The following PISD variants were observed in gnomAD, a reference collection of about 807,000 sequenced individuals.
PISD encodes phosphatidylserine decarboxylase.
In PISD, 31 loss-of-function variants were observed where a neutral mutation model predicts 43.5. That is an observed-to-expected ratio of 0.71 (90% CI 0.54 to 0.96). The LOEUF (loss-of-function observed/expected upper bound fraction) is 0.96. Ranked by LOEUF, PISD falls within the 40% of genes least tolerant of loss-of-function variation. The probability of loss-of-function intolerance (pLI) is 0.00; values close to 1 mark genes in which losing one functional copy is unlikely to be tolerated. For missense variants in PISD, 523 were observed against 548.4 expected, an observed-to-expected ratio of 0.95 and a Z score of 0.46; for synonymous variants, 259 against 228.7, an observed-to-expected ratio of 1.13 and a Z score of -1.20.
At chr22:31,625,465 G>T (rs533245962) in intron 3 of PISD, 1 of 539,774 alleles carries the variant, frequency 1.9e-6, no homozygotes, top group South Asian at 2.2e-5. Context: ...CAAGGGTCTG[G>T]GCTGCGAGCA....
chr22:31,640,889 T>TTTTTTG (rs1230235644), intron 3 of PISD, among the ~76,000 whole-genome samples: 1 of 84,448 alleles, frequency 1.2e-5, no homozygotes, highest in African/African-American at 4.9e-5. Flanking sequence ...TGTTTTTTTT[T>TTTTTTG]TTTTTTTTTT....
chr22:31,625,636 G>A, intron 3 of PISD: 3 of 1,244,920 alleles, frequency 2.4e-6, no homozygotes, highest in South Asian at 2.7e-5. Flanking sequence ...GGCTCCTCCA[G>A]CCTCGGGGGC....
upstream of PISD, chr22:31,662,279 T>G (rs1278358714): frequency 6.8e-7 from 1 of 1,460,408 alleles, no homozygotes; most frequent in Non-Finnish European, 9.5e-7. Flanking sequence ...GTCACGAGTC[T>G]CGAGTTCAGT....
At chr22:31,638,474 G>C (rs1229613658) in intron 3 of PISD, 1 of 985,376 alleles carries the variant, frequency 1.0e-6, no homozygotes, top group African/African-American at 1.7e-5. Flanking sequence ...GGGGAGAACA[G>C]GGAAGAGGGA....
intron 3 of PISD, among the ~76,000 whole-genome samples, chr22:31,644,723 T>C (rs1261292366): frequency 6.6e-6 from 1 of 152,222 alleles, no homozygotes; most frequent in Non-Finnish European, 1.5e-5. Flanking sequence ...ACGTATATAG[T>C]TGAGTATCCC....
In PISD at chr22:31,650,750, T is replaced by C. The variant is rs1243007392; in HGVS notation, c.94A>G (p.Ser32Gly). ...TTCCGTAAGGGCTGTAGGGATTGGC[T>C]CAGGGCAGTGATCTCACAGGGATGG... Reference protein sequence around the residue: ...SLHPCEITALSQSLQPLRKLP... With the variant: ...SLHPCEITALGQSLQPLRKLP... Residue 32 changes from serine to glycine, a missense_variant, in exon 2 of 8, where the codon AGC becomes GGC. Ser to Gly is a moderately conservative substitution (Grantham distance 56). Transcript: ENST00000439502. The C allele has an allele frequency of 6.4e-7, 1 of 1,555,494 alleles. No homozygotes were observed. The highest frequency in any genetic ancestry group is 8.7e-7 in the Non-Finnish European group (1 of 1,149,412).
intron 3 of PISD, among the ~76,000 whole-genome samples, chr22:31,636,733 G>A (rs1432752171): frequency 1.3e-5 from 2 of 151,822 alleles, no homozygotes; most frequent in African/African-American, 2.4e-5. Flanking sequence ...TAGTAGAGAC[G>A]GGGTTTCAAC....
chr22:31,637,164 A>AAAAATAT (rs1569487518), intron 3 of PISD, among the ~76,000 whole-genome samples: 2 of 13,652 alleles, frequency 1.5e-4, no homozygotes, highest in Non-Finnish European at 2.5e-4. Context: ...AAAAAAAAAA[A>AAAAATAT]ATATATATAT....
chr22:31,625,264 G>A (rs1035317876), intron 3 of PISD, among the ~76,000 whole-genome samples: 1 of 152,126 alleles, frequency 6.6e-6, no homozygotes, highest in Non-Finnish European at 1.5e-5. Context: ...CTCTCCCATC[G>A]CACCCCGGTG....
At chr22:31,648,508 A>G (rs779660751) in intron 2 of PISD, among the ~76,000 whole-genome samples, 1 of 152,128 alleles carries the variant, frequency 6.6e-6, no homozygotes, top group Non-Finnish European at 1.5e-5. Flanking sequence ...TACTAAAAAT[A>G]CAAAAAGAAA....
intron 7 of PISD, 42 bp downstream of exon 7, chr22:31,620,511 G>C: frequency 6.2e-7 from 1 of 1,603,810 alleles, no homozygotes; most frequent in East Asian, 2.2e-5. Flanking sequence ...AGACCCAAGA[G>C]GTCTGGCCCT....
intron 3 of PISD, among the ~76,000 whole-genome samples, chr22:31,638,921 G>A (rs925441806): frequency 6.6e-6 from 1 of 151,466 alleles, no homozygotes; most frequent in African/African-American, 2.4e-5. Context: ...GAGCCTGGGA[G>A]GTCGAGGCCG....
intron 1 of PISD, among the ~76,000 whole-genome samples, chr22:31,652,496 T>C (rs2074054995): frequency 6.6e-6 from 1 of 151,838 alleles, no homozygotes; most frequent in Non-Finnish European, 1.5e-5. Context: ...TTTTTTCACA[T>C]AAAATTTCCT....
At chr22:31,657,360 C>T (rs185624182) in intron 1 of PISD, among the ~76,000 whole-genome samples, 2 of 152,188 alleles carry the variant, frequency 1.3e-5, no homozygotes, top group Admixed American at 1.3e-4. Flanking sequence ...TGATCTTGAA[C>T]TCCTGACCTC....
chr22:31,629,224 T>A (rs2073069892), intron 3 of PISD: 1 of 984,958 alleles, frequency 1.0e-6, no homozygotes, highest in South Asian at 4.7e-5. Context: ...CCTGCAAGAT[T>A]GTTGTGCGTG....
intron 3 of PISD, among the ~76,000 whole-genome samples, chr22:31,635,302 G>A (rs1378881314): frequency 6.6e-6 from 1 of 152,140 alleles, no homozygotes; most frequent in Admixed American, 6.6e-5. Context: ...TTGTGTTTAA[G>A]TTCCATGTCT....
At chr22:31,662,058 C>A in intron 1 of PISD, 86 bp downstream of exon 1, 16 of 1,279,932 alleles carry the variant, frequency 1.3e-5, no homozygotes, top group Non-Finnish European at 1.8e-5. Context: ...TCAGAGCGAG[C>A]CCGCGACACA....
In PISD at chr22:31,628,143, G is replaced by A. The variant is rs544950352; in HGVS notation, c.322-6258C>T. 2.0e-5 allele frequency: 20 copies of A among 985,692 alleles called. No individual in the cohort carries two copies. In the Admixed American group the frequency reaches 2.5e-4, roughly 12 times the overall value. The allele number at this position is 985,692 out of a possible 1,614,324, so 61.1% of individuals were successfully genotyped here. On this transcript the variant is annotated intron_variant, in intron 3 of 7. Transcript: ENST00000439502. ...CACCAGCTGTGGGCCCCAGAAGATC[G>A]CCAGGGAGGAAAATGAATCCAGCTT...
chr22:31,638,647 C>T, intron 3 of PISD: 1 of 984,756 alleles, frequency 1.0e-6, no homozygotes, highest in Non-Finnish European at 1.2e-6. Context: ...GTCTCTACTA[C>T]TAGCTAATGG....
Sources: allele counts gnomAD v4.1 joint callset (sites outside exome capture counted in the v4.1 genomes callset), GRCh38; gene constraint gnomAD v4.1.1; transcripts MANE v1.5; gene names NCBI Gene and HGNC (gene_info 2026-07-23, HGNC 2026-07-21).